The following RASSF5 variants were observed in gnomAD, a reference collection of about 807,000 sequenced individuals.
The protein encoded by RASSF5 is ras association domain-containing protein 5.
A neutral mutation model predicts 40.5 loss-of-function variants in RASSF5; 25 were observed. The ratio of observed to expected loss-of-function variants is 0.62; its 90% CI spans 0.45 to 0.86. The LOEUF is 0.86. Among genes scored for constraint, RASSF5 ranks in the 40% least tolerant of loss-of-function variants. RASSF5 has a pLI of 0.00. For synonymous variants in RASSF5, 246 were observed against 252.4 expected (o/e 0.97, Z 0.24); for missense variants, 521 against 572.8 (o/e 0.91, Z 0.92).
intron 2 of RASSF5, among the ~76,000 whole-genome samples, chr1:206,572,218 A>G (rs1553404313): frequency 6.6e-6 from 1 of 152,180 alleles, no homozygotes; most frequent in African/African-American, 2.4e-5. Context: ...TCTTCAACGC[A>G]TGAAGCCAAT....
Position 206,507,792 on chromosome 1 carries a change from AGGGCTGCCCGGG to A in RASSF5, c.193_204del (p.Ala65_Gly68del). The stretch of plus-strand genomic sequence containing the variant: ...GGCGCGCGAGGGGCGCAGCGCCCGG[AGGGCTGCCCGGG>A]GGAACCTGGAGCCCCCGCCCCGGGC... On this transcript the variant is annotated inframe_deletion, in exon 1 of 6. Coordinates refer to ENST00000579436, the MANE Select transcript of RASSF5 (RefSeq NM_182663.4). 7.2e-7 allele frequency: 1 copy of A among 1,388,796 alleles called. No individual in the cohort carries two copies. The highest frequency in any genetic ancestry group is 9.2e-7 in the Non-Finnish European group (1 of 1,082,040). 86.0% of individuals were successfully genotyped at this position (1,388,796 alleles called of 1,614,324 possible).
chr1:206,515,890 C>T (rs1024791021), intron 1 of RASSF5, among the ~76,000 whole-genome samples: 7 of 152,174 alleles, frequency 4.6e-5, no homozygotes, highest in Non-Finnish European at 7.3e-5. Flanking sequence ...ATTAACCTCC[C>T]CCACCTCAAA....
At chr1:206,564,405 A>T (rs1393892390) in intron 2 of RASSF5, among the ~76,000 whole-genome samples, 1 of 152,234 alleles carries the variant, frequency 6.6e-6, no homozygotes, top group Non-Finnish European at 1.5e-5. Context: ...TAGTTTATCC[A>T]GAATCAGCTT....
chr1:206,557,832 G>C (rs190811411), intron 2 of RASSF5: 2 of 902,738 alleles, frequency 2.2e-6, no homozygotes, highest in African/African-American at 3.3e-5. Context: ...CCTGAGGGCT[G>C]AGCATCGTAT....
At chr1:206,585,079 T>C in intron 4 of RASSF5, 101 bp from the exon 5 acceptor site, 1 of 801,314 alleles carries the variant, frequency 1.2e-6, no homozygotes, top group East Asian at 2.4e-5. Context: ...CTACTTCCAG[T>C]TGTACGTACC....
rs376891483 is a variant in RASSF5 at position 206,549,020 on chromosome 1, C to T, written c.579+10727C>T. 1.2e-3 allele frequency among the ~76,000 whole-genome samples: 179 copies of T among 152,202 alleles called. 4 individuals are homozygous for T. In the South Asian group the frequency reaches 0.033, roughly 28 times the overall value. On this transcript the variant is annotated intron_variant, in intron 2 of 5. Transcript: ENST00000579436. The stretch of plus-strand genomic sequence containing the variant: ...AGCTGGGATTACAGGTGCCTGCCAA[C>T]GCTCCCAGCTAATTTTTGTATTTTT...
chr1:206,510,827 G>A (rs1666596474), intron 1 of RASSF5, among the ~76,000 whole-genome samples: 1 of 152,090 alleles, frequency 6.6e-6, no homozygotes. Context: ...CTCACTATGT[G>A]GTGAGTGATG....
Position 206,535,827 on chromosome 1 carries a change from A to G in RASSF5, c.458-2345A>G, listed in dbSNP as rs575292559. Among the ~76,000 whole-genome samples, 2 of 152,124 alleles carry G rather than the reference A, an allele frequency of 1.3e-5. No individual in the cohort carries two copies. Among genetic ancestry groups the G allele is most frequent in the African/African-American group, 2.4e-5 (1 of 41,482 alleles). On this transcript the variant is annotated intron_variant, in intron 1 of 5. Transcript: ENST00000579436. This position sits in a 1 kb window ranked among gnomAD's most constrained non-coding sequence, Gnocchi z 5.0. ...GCCTGTGCCAACAGGACAAGGAGCT[A>G]AAAGAGGAGGAGAGAGAAATTCCTC... is the stretch of plus-strand genomic sequence containing the variant.
chr1:206,524,856 C>G (rs1553396952), intron 1 of RASSF5, among the ~76,000 whole-genome samples: 1 of 151,082 alleles, frequency 6.6e-6, no homozygotes, highest in African/African-American at 2.4e-5. Context: ...TACACATGCA[C>G]ACATACACAC....
intron 2 of RASSF5, among the ~76,000 whole-genome samples, chr1:206,571,719 T>C (rs1668457586): frequency 6.6e-6 from 1 of 152,082 alleles, no homozygotes; most frequent in Non-Finnish European, 1.5e-5. Context: ...TTCTGTCAGA[T>C]GTAGAGAAGG....
chr1:206,538,442 C>A, intron 2 of RASSF5, 149 bp downstream of exon 2: 1 of 1,078,782 alleles, frequency 9.3e-7, no homozygotes. Flanking sequence ...ACACCCTGTT[C>A]CAAGGGGACT....
At chr1:206,526,269 A>AGTGTGTGTGTGTGTGT (rs61263066) in intron 1 of RASSF5, among the ~76,000 whole-genome samples, 12,139 of 142,942 alleles carry the variant, frequency 0.085, 1,165 homozygotes, top group African/African-American at 0.22. Flanking sequence ...GCTTTCTGGC[A>AGTGTGTGTGTGTGTGT]GTGTGTGTGT....
chr1:206,584,564 C>G lies in RASSF5; in HGVS notation c.868C>G (p.Leu290Val). 1 of 1,614,216 alleles carries G rather than the reference C, an allele frequency of 6.2e-7. No homozygotes were observed. Among genetic ancestry groups the G allele is most frequent in the African/African-American group, 1.3e-5 (1 of 75,038 alleles). The change falls in exon 4 of 6, where the codon CTG becomes GTG. Residue 290 changes from leucine (L) to valine (V), a missense_variant. Physicochemically the swap from Leu to Val is conservative, Grantham distance 32. Around this residue, in one of 2 missense-constraint regions of RASSF5, gnomAD observed 284 missense variants for 360.8 expected, o/e 0.79. Coordinates refer to ENST00000579436, the MANE Select transcript of RASSF5 (RefSeq NM_182663.4). The surrounding 1 kb of genome is among the most constrained non-coding windows in gnomAD (Gnocchi z 4.9). ...FYLPLDAIKQ[L>V]HISSTTTVSE... Reference sequence around the variant, plus strand: ...CCTGCCCCTAGATGCCATCAAGCAGCTGCACATCAGCAGCACCACCACCGT... The same window carrying G: ...CCTGCCCCTAGATGCCATCAAGCAGGTGCACATCAGCAGCACCACCACCGT...
At chr1:206,528,817 C>G (rs781956573) in intron 1 of RASSF5, 6 of 381,248 alleles carry the variant, frequency 1.6e-5, no homozygotes, top group Non-Finnish European at 1.8e-5. Flanking sequence ...GCAGGGAGAT[C>G]ACTTGAGGCC....
chr1:206,565,182 A>G (rs1572345266), intron 2 of RASSF5, among the ~76,000 whole-genome samples: 1 of 150,760 alleles, frequency 6.6e-6, no homozygotes. Context: ...TCTTCTATTC[A>G]CCCCATCTGT....
intron 1 of RASSF5, among the ~76,000 whole-genome samples, chr1:206,526,276 G>GTGTGTGTGTGTGTGTT (rs1667094870): frequency 6.6e-6 from 1 of 151,780 alleles, no homozygotes; most frequent in Non-Finnish European, 1.5e-5. Context: ...GGCAGTGTGT[G>GTGTGTGTGTGTGTGTT]TGTGTGTGTG....
intron 2 of RASSF5, among the ~76,000 whole-genome samples, chr1:206,540,833 G>T (rs1385380084): frequency 3.3e-5 from 5 of 152,126 alleles, no homozygotes; most frequent in Non-Finnish European, 7.4e-5. Flanking sequence ...TCTGAGCTCA[G>T]CTACTTCCGG....
chr1:206,557,603 G>C, intron 2 of RASSF5: 1 of 1,614,190 alleles, frequency 6.2e-7, no homozygotes, highest in Non-Finnish European at 8.5e-7. Context: ...TGAGCAGTGG[G>C]TACTGCAGCC....
At chr1:206,524,629 AATATATAAAATATATATTATATATT>A (rs1558499020) in intron 1 of RASSF5, among the ~76,000 whole-genome samples, 1 of 131,692 alleles carries the variant, frequency 7.6e-6, no homozygotes, top group Non-Finnish European at 1.5e-5. Context: ...TATTATGTAT[AATATATAAAATATATATTATATATT>A]ATGTATAATA....
Sources: allele counts gnomAD v4.1 joint callset (sites outside exome capture counted in the v4.1 genomes callset), GRCh38; gene constraint gnomAD v4.1.1; regional missense constraint gnomAD v4.1.1; non-coding constraint Gnocchi (gnomAD v3.1); transcripts MANE v1.5; gene names NCBI Gene and HGNC (gene_info 2026-07-23, HGNC 2026-07-21).